Variants in BRF1 observed in about 807,000 individuals in gnomAD.
The protein encoded by BRF1 is transcription factor IIIB 90 kDa subunit.
In BRF1, 59 loss-of-function variants were observed where a neutral mutation model predicts 81.7. The ratio of observed to expected loss-of-function variants is 0.72; its 90% confidence interval spans 0.59 to 0.90. The LOEUF (loss-of-function observed/expected upper bound fraction) is 0.90. Ranked by LOEUF, BRF1 falls within the 40% of genes least tolerant of loss-of-function variation. The pLI is 0.00. For synonymous variants in BRF1, 491 were observed against 395.6 expected, an observed-to-expected ratio of 1.24 and a Z score of -2.86; for missense variants, 1,050 against 936.3, an observed-to-expected ratio of 1.12 and a Z score of -1.58.
At position 105,263,924 on chromosome 14, in the gene BRF1, C is replaced by CA. The variant is rs58615148; in HGVS notation, c.440-7376dup. Reference sequence around the variant, plus strand: ...TGGGCAACAGAGTGAGACTCTGTCTCAAAAAAAAAAAAAAAGAAAAGTTAA... The same window carrying CA: ...TGGGCAACAGAGTGAGACTCTGTCTCAAAAAAAAAAAAAAAAGAAAAGTTAA... On this transcript the variant is annotated intron_variant, in intron 3 of 17. Coordinates refer to ENST00000547530, the MANE Select transcript of BRF1 (RefSeq NM_001519.4). Among the ~76,000 whole-genome samples, 344 of 78,284 alleles carry CA rather than the reference C, an allele frequency of 4.4e-3. 1 individual carries two copies. The highest frequency in any genetic ancestry group is 0.02 in the East Asian group (54 of 2,682). The allele number at this position is 78,284 out of a possible 152,430, so 51.4% of individuals were successfully genotyped here.
chr14:105,210,534 T>C lies in BRF1; in HGVS notation c.*17A>G, dbSNP rs1418062723. The C allele has an allele frequency of 6.2e-7, 1 of 1,610,374 alleles. No individual in the cohort carries two copies. The highest frequency in any genetic ancestry group is 2.2e-5 in the East Asian group (1 of 44,862). ...CGAGGCCCCCTGCCAGGACATCACC[T>C]GCCTGGAGGCCACACTTCAGTAGCC... On this transcript the variant is annotated 3_prime_UTR_variant, in exon 18 of 18. Transcript: ENST00000547530. This position sits in a 1 kb window ranked among gnomAD's most constrained non-coding sequence, Gnocchi z 4.7.
intron 1 of BRF1, chr14:105,314,889 G>C: frequency 1.0e-6 from 1 of 963,434 alleles, no homozygotes; most frequent in Non-Finnish European, 1.2e-6. Context: ...CGCAGCCCCA[G>C]GCCGCCGAGG....
At chr14:105,280,748 C>T (rs905076424) in intron 2 of BRF1, among the ~76,000 whole-genome samples, 2 of 151,634 alleles carry the variant, frequency 1.3e-5, no homozygotes, top group African/African-American at 2.4e-5. Context: ...ACCCTGAGCC[C>T]GGGTGTGCGG....
intron 1 of BRF1, among the ~76,000 whole-genome samples, chr14:105,293,094 A>C (rs760914424): frequency 2.0e-5 from 3 of 152,154 alleles, no homozygotes; most frequent in Non-Finnish European, 4.4e-5. Context: ...GGGGTCATGG[A>C]GCAGAGGCAG....
At chr14:105,222,119 G>C (rs1202172894) in intron 10 of BRF1, 1 of 559,954 alleles carries the variant, frequency 1.8e-6, no homozygotes, top group Non-Finnish European at 3.0e-6. Flanking sequence ...ACAGACCTAG[G>C]GGGAGAGTTA....
At chr14:105,297,339 AG>A (rs2057787584) in intron 1 of BRF1, among the ~76,000 whole-genome samples, 1 of 147,912 alleles carries the variant, frequency 6.8e-6, no homozygotes, top group Non-Finnish European at 1.5e-5. Context: ...GAGGCCGAAG[AG>A]GGCGGATCAC....
chr14:105,211,564 G>C (rs1313390809), intron 16 of BRF1: 11 of 503,944 alleles, frequency 2.2e-5, no homozygotes, highest in Non-Finnish European at 3.1e-5. Context: ...TGCTCGGGGA[G>C]CATGCAGAAC....
At chr14:105,224,757 A>G (rs10137572) in intron 10 of BRF1, among the ~76,000 whole-genome samples, 6,783 of 152,278 alleles carry the variant, frequency 0.045, 515 homozygotes, top group African/African-American at 0.15. Context: ...TATGCTGACC[A>G]GGCTGGTCTT....
intron 6 of BRF1, 103 bp downstream of exon 6, chr14:105,241,162 T>C: frequency 1.3e-6 from 2 of 1,526,528 alleles, no homozygotes; most frequent in Non-Finnish European, 1.8e-6. Flanking sequence ...CAGCTCTCAG[T>C]GCTCTGCAAA....
rs1389697022 is a variant in BRF1 at position 105,247,711 on chromosome 14, C to T, written c.544+4796G>A. 4 of 985,342 alleles carry T rather than the reference C, an allele frequency of 4.1e-6. No individual in the cohort carries two copies. In the African/African-American group the frequency reaches 7.0e-5, roughly 17 times the overall value. 61.0% of individuals were successfully genotyped at this position (985,342 alleles called of 1,614,324 possible). On this transcript the variant is annotated intron_variant, in intron 5 of 17. Transcript: ENST00000547530. ...ATATGGAAGTTTTAAAAGTCTAAAG[C>T]CTGGCGGTCCAGGAGGTTGCGTGTG...
chr14:105,308,723 CG>C (rs1331256435), intron 1 of BRF1, among the ~76,000 whole-genome samples: 1 of 151,984 alleles, frequency 6.6e-6, no homozygotes, highest in African/African-American at 2.4e-5. Context: ...CTTCATGATC[CG>C]CCTGCCTCAG....
Position 105,226,718 on chromosome 14 carries a change from A to T in BRF1, c.831T>A (p.Ile277=), listed in dbSNP as rs1893161880. The T allele has an allele frequency of 1.9e-6, 3 of 1,613,574 alleles. No homozygotes were observed. Among genetic ancestry groups the T allele is most frequent in the African/African-American group, 1.3e-5 (1 of 74,916 alleles). Residue 277 remains isoleucine (I), a synonymous_variant, in exon 8 of 18, where the codon ATT becomes ATA. Transcript: ENST00000547530. ...CCAGGTCGATCTTCATGAACTCATC[A>T]ATGGTCAACTGACTGGTGGGGGTGT... The part of the protein sequence containing the change: ...FEDTPTSQLT[I]DEFMKIDLEE...
chr14:105,302,273 G>A (rs2058062248), upstream of BRF1, among the ~76,000 whole-genome samples: 1 of 147,638 alleles, frequency 6.8e-6, no homozygotes, highest in Admixed American at 6.9e-5. Context: ...GTGAGATATC[G>A]GCTCACTGCA....
intron 2 of BRF1, among the ~76,000 whole-genome samples, chr14:105,274,071 A>C (rs2056775586): frequency 6.6e-6 from 1 of 152,194 alleles, no homozygotes; most frequent in African/African-American, 2.4e-5. Context: ...GGGAGATTAG[A>C]CACGTTGGTA....
chr14:105,229,119 C>T (rs959899790), intron 6 of BRF1, among the ~76,000 whole-genome samples: 6 of 152,250 alleles, frequency 3.9e-5, no homozygotes, highest in Admixed American at 3.3e-4. Flanking sequence ...CGGCTGCACC[C>T]ATTCCATTTT....
In BRF1 at chr14:105,269,182, C is replaced by T. The variant is rs146465774; in HGVS notation, c.439+3539G>A. ...CCCGCAACCTGAAGGGAGGGCAGAGCGGGACATGCTACACCTGGCCTGACC... is the reference window on the plus strand; with the variant it reads ...CCCGCAACCTGAAGGGAGGGCAGAGTGGGACATGCTACACCTGGCCTGACC... On this transcript the variant is annotated intron_variant, in intron 3 of 17. Coordinates refer to ENST00000547530, the MANE Select transcript of BRF1 (RefSeq NM_001519.4). The surrounding 1 kb of genome is among the most constrained non-coding windows in gnomAD (Gnocchi z 5.0). Among the ~76,000 whole-genome samples the T allele has an allele frequency of 1.2e-3, 177 of 152,196 alleles. No individual in the cohort carries two copies. The highest frequency in any genetic ancestry group is 2.2e-3 in the Non-Finnish European group (147 of 67,990).
chr14:105,217,187 G>A lies in BRF1; in HGVS notation c.1772+357C>T, dbSNP rs150768572. On this transcript the variant is annotated intron_variant, in intron 15 of 17. Transcript: ENST00000547530. ...AGAGACGGCAATGCAGCCAGGGTGCGCAGAGCAGGCACAGGGCGGCAGGGC... is the reference window on the plus strand; with the variant it reads ...AGAGACGGCAATGCAGCCAGGGTGCACAGAGCAGGCACAGGGCGGCAGGGC... 658 of 378,716 alleles carry A rather than the reference G, an allele frequency of 1.7e-3. 3 individuals carry two copies. The highest frequency in any genetic ancestry group is 2.2e-3 in the Non-Finnish European group (444 of 203,838). The allele number at this position is 378,716 out of a possible 1,614,324, so 23.5% of individuals were successfully genotyped here. A position where few individuals can be genotyped will look rare whatever the true frequency, so the allele number is the denominator to read the frequency against.
chr14:105,273,162 C>CCT (rs996444007), intron 2 of BRF1, among the ~76,000 whole-genome samples: 1 of 152,176 alleles, frequency 6.6e-6, no homozygotes, highest in African/African-American at 2.4e-5. Flanking sequence ...GCTGAATGTG[C>CCT]CTCTCTCCAG....
At chr14:105,248,431 G>A (rs1389987152) in intron 5 of BRF1, 5 of 985,200 alleles carry the variant, frequency 5.1e-6, no homozygotes, top group South Asian at 4.7e-5. Context: ...CACAGCGCGC[G>A]GCTCGCGCCG....
Sources: allele counts gnomAD v4.1 joint callset (sites outside exome capture counted in the v4.1 genomes callset), GRCh38; gene constraint gnomAD v4.1.1; non-coding constraint Gnocchi (gnomAD v3.1); transcripts MANE v1.5; gene names NCBI Gene and HGNC (gene_info 2026-07-23, HGNC 2026-07-21).